The following JRK variants were observed in gnomAD, a reference collection of about 807,000 sequenced individuals.
JRK encodes jerky protein homolog.
For missense variants in JRK, 720 were observed against 509.2 expected (o/e 1.41, Z -3.98); for synonymous variants, 303 against 218.1 (o/e 1.39, Z -3.43).
Position 142,665,105 on chromosome 8 carries a change from G to A in JRK, c.954C>T (p.Ile318=), listed in dbSNP as rs587596763. The A allele has an allele frequency of 5.6e-6, 4 of 717,986 alleles. No homozygotes were observed. The highest frequency in any genetic ancestry group is 1.0e-5 in the Non-Finnish European group (4 of 385,118). 44.5% of individuals were successfully genotyped at this position (717,986 alleles called of 1,614,324 possible). A position where few individuals can be genotyped will look rare whatever the true frequency, so the allele number is the denominator to read the frequency against. Residue 318 remains isoleucine (I), a synonymous_variant, in exon 2 of 2, where the codon ATC becomes ATT. Coordinates refer to ENST00000612905, the MANE Select transcript of JRK (RefSeq NM_003724.4). ...AELVSSNVFT[I]FLPASVASLV... The stretch of plus-strand genomic sequence containing the variant: ...ATGAGGCCACGCTGGCAGGCAGGAA[G>A]ATGGTGAAAACGTTACTGGACACCA...
downstream of JRK, among the ~76,000 whole-genome samples, chr8:142,656,713 G>C (rs1846760268): frequency 6.6e-6 from 1 of 152,228 alleles, no homozygotes; most frequent in African/African-American, 2.4e-5. Flanking sequence ...GGAATGTGGA[G>C]CTCTCTGTTC....
the JRK span, among the ~76,000 whole-genome samples, chr8:142,648,071 A>G: frequency 1.3e-5 from 2 of 152,342 alleles, no homozygotes; most frequent in African/African-American, 4.8e-5. Flanking sequence ...CTTGAGAGAG[A>G]TGATTTAGGA....
chr8:142,652,775 A>G (rs1554633301), downstream of JRK, among the ~76,000 whole-genome samples: 1 of 152,204 alleles, frequency 6.6e-6, no homozygotes, highest in Non-Finnish European at 1.5e-5. Context: ...AACAAGAAAA[A>G]AGAGAAAGAG....
chr8:142,649,564 A>T, the JRK span, among the ~76,000 whole-genome samples: 1 of 152,200 alleles, frequency 6.6e-6, no homozygotes, highest in South Asian at 2.1e-4. Flanking sequence ...GCTACGTGGA[A>T]CTGTAACTCC....
downstream of JRK, among the ~76,000 whole-genome samples, chr8:142,653,453 G>A (rs887126521): frequency 5.3e-5 from 8 of 152,016 alleles, no homozygotes; most frequent in East Asian, 1.9e-4. Context: ...GGCACAGTGT[G>A]GCCTTGACCT....
At chr8:142,650,682 G>A in the JRK span, among the ~76,000 whole-genome samples, 1 of 152,202 alleles carries the variant, frequency 6.6e-6, no homozygotes, top group South Asian at 2.1e-4. Flanking sequence ...CCCCAGCGAT[G>A]CCAAACTGTA....
chr8:142,654,526 C>A (rs1846715762), downstream of JRK, among the ~76,000 whole-genome samples: 1 of 151,984 alleles, frequency 6.6e-6, no homozygotes, highest in Non-Finnish European at 1.5e-5. Context: ...ACCCCCAGGG[C>A]TACCCCAGAA....
At position 142,662,691 on chromosome 8, in the gene JRK, T is replaced by C; in HGVS notation, c.*1661A>G. 6 of 985,402 alleles carry C rather than the reference T, an allele frequency of 6.1e-6. No homozygotes were observed. Among genetic ancestry groups the C allele is most frequent in the Non-Finnish European group, 7.2e-6 (6 of 829,938 alleles). The allele number at this position is 985,402 out of a possible 1,614,324, so 61.0% of individuals were successfully genotyped here. Reference sequence around the variant, plus strand: ...ACTTTTGCCCCTGTATCTACAGAGATGTGAAAGTACGAGAAACCACAGCGA... The same window carrying C: ...ACTTTTGCCCCTGTATCTACAGAGACGTGAAAGTACGAGAAACCACAGCGA... On this transcript the variant is annotated 3_prime_UTR_variant, in exon 2 of 2. Coordinates refer to ENST00000612905, the MANE Select transcript of JRK (RefSeq NM_003724.4).
intron 1 of JRK, among the ~76,000 whole-genome samples, chr8:142,668,085 C>T (rs1554636543): frequency 6.6e-6 from 1 of 152,226 alleles, no homozygotes; most frequent in African/African-American, 2.4e-5. Context: ...CAGGGGTCTC[C>T]CTGCCCTCAC....
In JRK at chr8:142,658,933, G is replaced by A. The variant is rs1050957384; in HGVS notation, c.*5419C>T. The A allele has an allele frequency of 3.1e-6, 5 of 1,613,110 alleles. No individual in the cohort carries two copies. Among genetic ancestry groups the A allele is most frequent in the African/African-American group, 2.7e-5 (2 of 74,918 alleles). On this transcript the variant is annotated 3_prime_UTR_variant, in exon 2 of 2. Transcript: ENST00000612905. ...GTGAGGTCACTACCACATCCTCAAGGCCCACAGTCTCCTGAAACAACAGAA... is the reference window on the plus strand; with the variant it reads ...GTGAGGTCACTACCACATCCTCAAGACCCACAGTCTCCTGAAACAACAGAA...
downstream of JRK, chr8:142,657,348 G>A (rs1846774977): frequency 6.6e-6 from 1 of 152,628 alleles, no homozygotes; most frequent in African/African-American, 2.4e-5. Context: ...CACAGTGGTG[G>A]GGATTAGAGC....
rs374521719 is a variant in JRK at position 142,658,887 on chromosome 8, T to C, written c.*5465A>G. 7.4e-6 allele frequency: 12 copies of C among 1,613,630 alleles called. No individual in the cohort carries two copies. Among genetic ancestry groups the C allele is most frequent in the Non-Finnish European group, 9.3e-6 (11 of 1,179,772 alleles). Reference sequence around the variant, plus strand: ...TCTGTAGAGGCCTCCAGGCAGCACTTAGGAATTGCCAACTCCTCTGGTGAG... The same window carrying C: ...TCTGTAGAGGCCTCCAGGCAGCACTCAGGAATTGCCAACTCCTCTGGTGAG... On this transcript the variant is annotated 3_prime_UTR_variant, in exon 2 of 2. Coordinates refer to ENST00000612905, the MANE Select transcript of JRK (RefSeq NM_003724.4).
At chr8:142,651,063 T>C in the JRK span, among the ~76,000 whole-genome samples, 3 of 151,592 alleles carry the variant, frequency 2.0e-5, no homozygotes, top group Non-Finnish European at 4.4e-5. Flanking sequence ...CAGCAGAGGG[T>C]GCAAGAGAAA....
chr8:142,644,331 T>A, the JRK span, among the ~76,000 whole-genome samples: 6 of 152,152 alleles, frequency 3.9e-5, no homozygotes, highest in East Asian at 1.2e-3. Flanking sequence ...ACATGATAAT[T>A]TAACATAATA....
At chr8:142,656,808 G>A (rs923003968), downstream of JRK, among the ~76,000 whole-genome samples, 5 of 152,166 alleles carry the variant, frequency 3.3e-5, no homozygotes, top group African/African-American at 7.2e-5. Flanking sequence ...GCGTTTGGTG[G>A]GAGGGGAATC....
At chr8:142,651,362 T>C in the JRK span, among the ~76,000 whole-genome samples, 5 of 151,920 alleles carry the variant, frequency 3.3e-5, no homozygotes, top group African/African-American at 1.2e-4. Flanking sequence ...CAGAAAGGAC[T>C]TGATTTAGGA....
chr8:142,659,972 G>A lies in JRK; in HGVS notation c.*4380C>T. The A allele has an allele frequency of 1.0e-6, 1 of 985,616 alleles. No homozygotes were observed. The highest frequency in any genetic ancestry group is 1.2e-6 in the Non-Finnish European group (1 of 830,014). 61.1% of individuals were successfully genotyped at this position (985,616 alleles called of 1,614,324 possible). On this transcript the variant is annotated 3_prime_UTR_variant, in exon 2 of 2. Coordinates refer to ENST00000612905, the MANE Select transcript of JRK (RefSeq NM_003724.4). ...CTGAGGGTCCATGTGTAGAAGCAGAGGCCAGAGCTGACACCACATGGGCAA... is the reference window on the plus strand; with the variant it reads ...CTGAGGGTCCATGTGTAGAAGCAGAAGCCAGAGCTGACACCACATGGGCAA...
chr8:142,654,837 G>A (rs1166147202), downstream of JRK, among the ~76,000 whole-genome samples: 1 of 151,920 alleles, frequency 6.6e-6, no homozygotes, highest in Admixed American at 6.6e-5. Flanking sequence ...GCCCTCCTCA[G>A]TGAAGATGAG....
At chr8:142,648,473 G>C in the JRK span, among the ~76,000 whole-genome samples, 1 of 152,226 alleles carries the variant, frequency 6.6e-6, no homozygotes, top group Admixed American at 6.5e-5. Context: ...CCATGGCTGA[G>C]AGGGGCCAAC....
Sources: allele counts gnomAD v4.1 joint callset (sites outside exome capture counted in the v4.1 genomes callset), GRCh38; gene constraint gnomAD v4.1.1; transcripts MANE v1.5; gene names NCBI Gene and HGNC (gene_info 2026-07-23, HGNC 2026-07-21).